PTCHD4: variants seen among roughly 807,000 people sequenced by gnomAD.
The protein encoded by PTCHD4 is patched domain-containing protein 4.
A neutral mutation model predicts 58.1 loss-of-function variants in PTCHD4; 33 were observed. The ratio of observed to expected loss-of-function variants is 0.57; its 90% confidence interval spans 0.43 to 0.76. The LOEUF is 0.76. Ranked by LOEUF, PTCHD4 falls within the 30% of genes least tolerant of loss-of-function variation. The pLI, the probability that PTCHD4 is intolerant of heterozygous loss-of-function variation, is 0.00. For missense variants in PTCHD4, 1,058 were observed against 1,027.1 expected, an observed-to-expected ratio of 1.03 and a Z score of -0.41; for synonymous variants, 478 against 409.6, an observed-to-expected ratio of 1.17 and a Z score of -2.02.
chr6:48,023,457 C>T (rs1385042853), intron 3 of PTCHD4, among the ~76,000 whole-genome samples: 1 of 152,108 alleles, frequency 6.6e-6, no homozygotes, highest in Non-Finnish European at 1.5e-5. Flanking sequence ...CAAAATTAGG[C>T]CAATTTAAAT....
At chr6:48,062,924 G>A (rs1335867237) in intron 3 of PTCHD4, among the ~76,000 whole-genome samples, 1 of 152,144 alleles carries the variant, frequency 6.6e-6, no homozygotes, top group Non-Finnish European at 1.5e-5. Context: ...AGAGAAAGAA[G>A]CTGACGCCTA....
chr6:48,096,631 TAAAG>T (rs1036576416), intron 1 of PTCHD4, among the ~76,000 whole-genome samples: 1 of 137,116 alleles, frequency 7.3e-6, no homozygotes, highest in African/African-American at 2.7e-5. Flanking sequence ...AAAAAAGAAA[TAAAG>T]AAATTCATTG....
At chr6:48,106,190 C>T (rs1765718412) in intron 1 of PTCHD4, among the ~76,000 whole-genome samples, 2 of 152,078 alleles carry the variant, frequency 1.3e-5, no homozygotes, top group South Asian at 2.1e-4. Flanking sequence ...AACATTGATG[C>T]AAAAATCCTC....
chr6:48,075,856 T>A (rs1404792267), intron 1 of PTCHD4, among the ~76,000 whole-genome samples: 1 of 152,246 alleles, frequency 6.6e-6, no homozygotes, highest in African/African-American at 2.4e-5. Context: ...GGCAGCTGAC[T>A]GCTCAGGGTG....
chr6:47,993,576 A>C (rs1282703269), intron 4 of PTCHD4, among the ~76,000 whole-genome samples: 1 of 152,230 alleles, frequency 6.6e-6, no homozygotes, highest in Non-Finnish European at 1.5e-5. Context: ...TCCAGGTGTC[A>C]GTTGATATTC....
chr6:47,926,077 G>A (rs145775515), intron 4 of PTCHD4, among the ~76,000 whole-genome samples: 9 of 152,208 alleles, frequency 5.9e-5, no homozygotes, highest in East Asian at 1.9e-4. Flanking sequence ...ACTTATCTGC[G>A]TTATCAAAGG....
chr6:48,061,364 C>T (rs114723751), intron 3 of PTCHD4, among the ~76,000 whole-genome samples: 1 of 152,168 alleles, frequency 6.6e-6, no homozygotes, highest in African/African-American at 2.4e-5. Flanking sequence ...TGATAATTCT[C>T]CAGATACCTC....
chr6:47,921,391 G>T (rs1416678861), intron 4 of PTCHD4, among the ~76,000 whole-genome samples: 1 of 151,940 alleles, frequency 6.6e-6, no homozygotes, highest in Non-Finnish European at 1.5e-5. Flanking sequence ...ATCAGCTTTT[G>T]TCTCTCTATT....
At chr6:48,016,700 TACTCCC>T (rs1483744983) in intron 3 of PTCHD4, among the ~76,000 whole-genome samples, 1 of 151,960 alleles carries the variant, frequency 6.6e-6, no homozygotes, top group Non-Finnish European at 1.5e-5. Flanking sequence ...CTTTAAAAAT[TACTCCC>T]ACTCAATGCA....
Position 48,008,886 on chromosome 6 carries a change from A to G in PTCHD4, c.646T>C (p.Ser216Pro). ...TGAAAGTCCCTCCAGAGGCTAAAGG[A>G]TGCTAAAGAGTAGAGCTGGAGTTCT... ...HQELQLYSLA[S>P]FSLWRDFHKT... The change falls in exon 4 of 5, where the codon TCC (serine) becomes CCC (proline). Residue 216 changes from serine to proline, a missense_variant. Ser to Pro is a moderately conservative substitution (Grantham distance 74). Coordinates refer to ENST00000339488, the MANE Select transcript of PTCHD4 (RefSeq NM_001384253.1). 1 of 1,614,036 alleles carries G rather than the reference A, an allele frequency of 6.2e-7. No individual in the cohort carries two copies. Among genetic ancestry groups the G allele is most frequent in the African/African-American group, 1.3e-5 (1 of 75,064 alleles).
chr6:48,047,407 A>G (rs940488324), intron 3 of PTCHD4, among the ~76,000 whole-genome samples: 2 of 151,794 alleles, frequency 1.3e-5, no homozygotes, highest in Non-Finnish European at 2.9e-5. Flanking sequence ...TAAATGCAAA[A>G]CTACATAGCT....
At chr6:48,050,687 A>AATTTGGT (rs1764202185) in intron 3 of PTCHD4, among the ~76,000 whole-genome samples, 1 of 151,982 alleles carries the variant, frequency 6.6e-6, no homozygotes, top group African/African-American at 2.4e-5. Flanking sequence ...AGCACACACC[A>AATTTGGT]CCATTACATG....
intron 4 of PTCHD4, among the ~76,000 whole-genome samples, chr6:48,007,428 C>A (rs1762483020): frequency 6.6e-6 from 1 of 152,084 alleles, no homozygotes; most frequent in South Asian, 2.1e-4. Flanking sequence ...ACTTTCTGAC[C>A]ACACGCCTGC....
At position 47,856,913 on chromosome 6, in the gene PTCHD4, T is replaced by C. The variant is rs545747783; in HGVS notation, c.*21390A>G. On this transcript the variant is annotated 3_prime_UTR_variant, in exon 5 of 5. Coordinates refer to ENST00000339488, the MANE Select transcript of PTCHD4 (RefSeq NM_001384253.1). ...ATCCATATATGTTTGTAATAGCTTT[T>C]CATAATGGGAAGGGACAATATTCAT... 6.6e-6 allele frequency among the ~76,000 whole-genome samples: 1 copy of C among 152,166 alleles called. No homozygotes were observed. The highest frequency in any genetic ancestry group is 1.9e-4 in the East Asian group (1 of 5,158).
At chr6:47,944,413 G>T (rs1478971280) in intron 4 of PTCHD4, among the ~76,000 whole-genome samples, 1 of 152,108 alleles carries the variant, frequency 6.6e-6, no homozygotes, top group East Asian at 1.9e-4. Flanking sequence ...AGGTGAATAT[G>T]TTGTAAAAAT....
intron 4 of PTCHD4, among the ~76,000 whole-genome samples, chr6:47,982,648 C>T (rs1264113029): frequency 1.3e-5 from 2 of 152,006 alleles, no homozygotes; most frequent in African/African-American, 2.4e-5. Flanking sequence ...GCCACCAGGC[C>T]GGCTAATTTT....
intron 1 of PTCHD4, among the ~76,000 whole-genome samples, chr6:48,094,199 T>C (rs1765418663): frequency 6.6e-6 from 1 of 152,198 alleles, no homozygotes; most frequent in Non-Finnish European, 1.5e-5. Flanking sequence ...CATCCTATTC[T>C]TTCTTTCTCT....
intron 3 of PTCHD4, among the ~76,000 whole-genome samples, chr6:48,010,958 T>G (rs1762647499): frequency 6.6e-6 from 1 of 152,208 alleles, no homozygotes; most frequent in Non-Finnish European, 1.5e-5. Context: ...TGTGCCACAT[T>G]TTCTTTATCC....
At chr6:47,989,302 G>T (rs1232145053) in intron 4 of PTCHD4, among the ~76,000 whole-genome samples, 1 of 152,178 alleles carries the variant, frequency 6.6e-6, no homozygotes, top group Non-Finnish European at 1.5e-5. Flanking sequence ...CAGAAAGTTT[G>T]CAGCCTGACA....
Sources: allele counts gnomAD v4.1 joint callset (sites outside exome capture counted in the v4.1 genomes callset), GRCh38; gene constraint gnomAD v4.1.1; transcripts MANE v1.5; gene names NCBI Gene and HGNC (gene_info 2026-07-23, HGNC 2026-07-21).